The following GRIK2 variants were observed in gnomAD, a reference collection of about 807,000 sequenced individuals.
The protein encoded by GRIK2 is glutamate ionotropic receptor kainate type subunit 2.
A neutral mutation model predicts 100.3 loss-of-function variants in GRIK2; 32 were observed. The observed-to-expected ratio is 0.32, with a 90% CI of 0.24 to 0.43. The LOEUF is 0.43. Ranked by LOEUF, GRIK2 falls within the 20% of genes least tolerant of loss-of-function variation. The pLI, the probability that GRIK2 is intolerant of heterozygous loss-of-function variation, is 1.00. For missense variants in GRIK2, 843 were observed against 1,114.9 expected (o/e 0.76, Z 3.47); for synonymous variants, 417 against 389.4 (o/e 1.07, Z -0.83).
chr6:101,641,420 A>G (rs1368224997), intron 4 of GRIK2, among the ~76,000 whole-genome samples: 1 of 151,982 alleles, frequency 6.6e-6, no homozygotes, highest in African/African-American at 2.4e-5. Flanking sequence ...TAATTACCCT[A>G]TTAATAACAC....
chr6:101,793,237 T>G (rs1780022805), intron 7 of GRIK2, among the ~76,000 whole-genome samples: 1 of 152,234 alleles, frequency 6.6e-6, no homozygotes, highest in Non-Finnish European at 1.5e-5. Context: ...CCAGCTTTGT[T>G]CTGTTGCTGG....
At chr6:101,462,279 G>A (rs913151725) in intron 2 of GRIK2, among the ~76,000 whole-genome samples, 6 of 152,052 alleles carry the variant, frequency 3.9e-5, no homozygotes, top group Admixed American at 3.3e-4. Flanking sequence ...TCTGAACATA[G>A]ACCCAAGCAG....
chr6:101,691,881 G>T (rs1293977136), intron 7 of GRIK2, among the ~76,000 whole-genome samples: 1 of 151,888 alleles, frequency 6.6e-6, no homozygotes. Flanking sequence ...GTAATCATTT[G>T]TTACTGTATA....
At chr6:101,683,992 G>A (rs1369535949) in intron 6 of GRIK2, among the ~76,000 whole-genome samples, 1 of 152,110 alleles carries the variant, frequency 6.6e-6, no homozygotes, top group Non-Finnish European at 1.5e-5. Flanking sequence ...TAGAAGTCTT[G>A]AAGCTGCCAG....
intron 14 of GRIK2, among the ~76,000 whole-genome samples, chr6:101,995,520 T>C (rs1176112596): frequency 6.6e-6 from 1 of 151,980 alleles, no homozygotes; most frequent in Non-Finnish European, 1.5e-5. Flanking sequence ...AAGTTATAAT[T>C]ATTGATACTA....
intron 7 of GRIK2, among the ~76,000 whole-genome samples, chr6:101,795,144 G>A (rs1007799401): frequency 6.6e-6 from 1 of 152,144 alleles, no homozygotes; most frequent in African/African-American, 2.4e-5. Context: ...TGGAATTACA[G>A]ATGTGAGCCA....
intron 4 of GRIK2, among the ~76,000 whole-genome samples, chr6:101,641,386 C>G: frequency 6.6e-6 from 1 of 151,838 alleles, no homozygotes. Context: ...TAAGTCAGCT[C>G]TTAAAATCTT....
chr6:101,394,912 T>G (rs1774946674), intron 1 of GRIK2, among the ~76,000 whole-genome samples: 2 of 152,196 alleles, frequency 1.3e-5, no homozygotes, highest in Admixed American at 1.3e-4. Context: ...TTTCTCCTAT[T>G]TAAACCCATT....
At chr6:101,986,038 A>G (rs1333114780) in intron 14 of GRIK2, among the ~76,000 whole-genome samples, 3 of 151,846 alleles carry the variant, frequency 2.0e-5, no homozygotes, top group African/African-American at 7.2e-5. Context: ...TTATACTATG[A>G]GAAACTGCAT....
chr6:101,733,259 GA>G (rs1775402566), intron 7 of GRIK2, among the ~76,000 whole-genome samples: 1 of 152,056 alleles, frequency 6.6e-6, no homozygotes, highest in Non-Finnish European at 1.5e-5. Flanking sequence ...TCTTTCCTGA[GA>G]AAAATTTCCT....
At chr6:101,499,414 A>C (rs1342545639) in intron 2 of GRIK2, among the ~76,000 whole-genome samples, 2 of 152,102 alleles carry the variant, frequency 1.3e-5, no homozygotes, top group African/African-American at 4.8e-5. Context: ...TCATAACATA[A>C]GGCTTTATTT....
chr6:101,965,634 A>G (rs553301976), intron 14 of GRIK2, among the ~76,000 whole-genome samples: 3 of 152,318 alleles, frequency 2.0e-5, no homozygotes, highest in East Asian at 3.9e-4. Flanking sequence ...TTGTTTTTGA[A>G]TGACACAATA....
chr6:101,723,157 G>A (rs1242132191), intron 7 of GRIK2, among the ~76,000 whole-genome samples: 5 of 152,046 alleles, frequency 3.3e-5, no homozygotes, highest in Non-Finnish European at 5.9e-5. Flanking sequence ...GTCTTCAAAT[G>A]CAAAGGATAA....
At chr6:101,469,968 T>C (rs190203017) in intron 2 of GRIK2, among the ~76,000 whole-genome samples, 1 of 152,274 alleles carries the variant, frequency 6.6e-6, no homozygotes, top group Admixed American at 6.5e-5. Context: ...TTTCTGTTGT[T>C]GGTCAATGAT....
At chr6:101,860,358 G>A (rs555438724) in intron 11 of GRIK2, among the ~76,000 whole-genome samples, 1 of 152,206 alleles carries the variant, frequency 6.6e-6, no homozygotes, top group East Asian at 1.9e-4. Context: ...TTTATGCTAA[G>A]CAAGATGGCT....
intron 14 of GRIK2, among the ~76,000 whole-genome samples, chr6:102,030,764 T>A (rs1052448142): frequency 2.0e-5 from 3 of 151,118 alleles, no homozygotes; most frequent in South Asian, 2.1e-4. Context: ...TCATCTTATC[T>A]TCCTCTCCTG....
chr6:102,018,099 G>A (rs1169134101), intron 14 of GRIK2, among the ~76,000 whole-genome samples: 1 of 152,074 alleles, frequency 6.6e-6, no homozygotes, highest in Admixed American at 6.6e-5. Flanking sequence ...CTGTTGGAAG[G>A]CAGACATGAG....
chr6:101,647,642 T>A lies in GRIK2; in HGVS notation c.541+21005T>A, dbSNP rs114743951. 2.9e-3 allele frequency among the ~76,000 whole-genome samples: 435 copies of A among 152,204 alleles called. 4 individuals are homozygous for A. Among genetic ancestry groups the A allele is most frequent in the African/African-American group, 0.01 (418 of 41,572 alleles). Reference sequence around the variant, plus strand: ...ATAATGTCACTACAAGAAGGATGCATAATGTCATAAAAATGTACTTCATAC... The same window carrying A: ...ATAATGTCACTACAAGAAGGATGCAAAATGTCATAAAAATGTACTTCATAC... On this transcript the variant is annotated intron_variant, in intron 4 of 16. Coordinates refer to ENST00000369134, the MANE Select transcript of GRIK2 (RefSeq NM_021956.5).
At chr6:101,800,521 T>C (rs1477989212) in intron 8 of GRIK2, among the ~76,000 whole-genome samples, 1 of 152,096 alleles carries the variant, frequency 6.6e-6, no homozygotes, top group Admixed American at 6.6e-5. Flanking sequence ...ATATCACAGG[T>C]ATTATTACCA....
Sources: allele counts gnomAD v4.1 joint callset (sites outside exome capture counted in the v4.1 genomes callset), GRCh38; gene constraint gnomAD v4.1.1; transcripts MANE v1.5; gene names NCBI Gene and HGNC (gene_info 2026-07-23, HGNC 2026-07-21).